LRMDA: variants seen among roughly 807,000 people sequenced by gnomAD.
LRMDA encodes leucine-rich melanocyte differentiation-associated protein.
In LRMDA, 18 loss-of-function variants were observed where a neutral mutation model predicts 29.8. The ratio of observed to expected loss-of-function variants is 0.60; its 90% CI spans 0.42 to 0.90. The LOEUF is 0.90. Ranked by LOEUF, LRMDA falls within the 40% of genes least tolerant of loss-of-function variation. LRMDA has a pLI of 0.00. For synonymous variants in LRMDA, 125 were observed against 109.4 expected, an observed-to-expected ratio of 1.14 and a Z score of -0.89; for missense variants, 273 against 273.9, an observed-to-expected ratio of 1.00 and a Z score of 0.02.
At chr10:76,545,832 G>A (rs1165843584) in intron 6 of LRMDA, among the ~76,000 whole-genome samples, 1 of 151,896 alleles carries the variant, frequency 6.6e-6, no homozygotes, top group Non-Finnish European at 1.5e-5. Context: ...GCAATGTCAC[G>A]AGTTTTACTT....
chr10:75,492,307 C>T (rs1267074924), intron 2 of LRMDA, among the ~76,000 whole-genome samples: 2 of 152,244 alleles, frequency 1.3e-5, no homozygotes, highest in Non-Finnish European at 1.5e-5. Context: ...AAGAATCTTA[C>T]ATCTTGCGGT....
intron 6 of LRMDA, among the ~76,000 whole-genome samples, chr10:76,535,272 A>T (rs571500595): frequency 6.6e-6 from 1 of 152,298 alleles, no homozygotes; most frequent in South Asian, 2.1e-4. Context: ...TAAAAGAAGG[A>T]TGCATTATAT....
intron 2 of LRMDA, among the ~76,000 whole-genome samples, chr10:75,728,452 G>GTA (rs1842656535): frequency 6.6e-6 from 1 of 151,592 alleles, no homozygotes; most frequent in Admixed American, 6.6e-5. Context: ...GTGTGTGTGT[G>GTA]TGTGTGTGTG....
At chr10:75,610,729 C>G (rs1841019237) in intron 2 of LRMDA, among the ~76,000 whole-genome samples, 1 of 152,156 alleles carries the variant, frequency 6.6e-6, no homozygotes, top group Non-Finnish European at 1.5e-5. Flanking sequence ...ATAGGCAATA[C>G]ATGTTCCCTA....
At chr10:75,618,974 T>C (rs1245434058) in intron 2 of LRMDA, among the ~76,000 whole-genome samples, 2 of 152,056 alleles carry the variant, frequency 1.3e-5, no homozygotes, top group Non-Finnish European at 2.9e-5. Context: ...TTTTTTTGTA[T>C]TTTTAGTAGA....
chr10:76,319,278 C>T (rs1236045285), intron 5 of LRMDA: 1 of 152,160 alleles, frequency 6.6e-6, no homozygotes, highest in African/African-American at 2.4e-5. Flanking sequence ...TGACTTCTTC[C>T]TGTATTTTTT....
At chr10:75,806,817 A>G (rs1843861853) in intron 2 of LRMDA, among the ~76,000 whole-genome samples, 1 of 125,040 alleles carries the variant, frequency 8.0e-6, no homozygotes, top group East Asian at 2.2e-4. Flanking sequence ...TGCAAAAAAA[A>G]AAAAAAAAAA....
chr10:76,228,210 C>T (rs150850859), intron 5 of LRMDA, among the ~76,000 whole-genome samples: 1,555 of 151,988 alleles, frequency 0.01, 26 homozygotes, highest in African/African-American at 0.031. Flanking sequence ...TTAGTAGAGA[C>T]GGGGTTTCAC....
chr10:76,399,023 T>C (rs1174259611), intron 6 of LRMDA, among the ~76,000 whole-genome samples: 1 of 152,190 alleles, frequency 6.6e-6, no homozygotes, highest in Non-Finnish European at 1.5e-5. Flanking sequence ...TAGATTCAGA[T>C]TCCAGGTCTA....
chr10:75,559,559 G>A (rs951487941), intron 2 of LRMDA, among the ~76,000 whole-genome samples: 1 of 148,522 alleles, frequency 6.7e-6, no homozygotes, highest in African/African-American at 2.5e-5. Flanking sequence ...AGTCAATTTT[G>A]GCTTTTGTTG....
intron 6 of LRMDA, among the ~76,000 whole-genome samples, chr10:76,478,184 T>C (rs565720450): frequency 8.6e-5 from 13 of 151,918 alleles, no homozygotes; most frequent in African/African-American, 3.1e-4. Flanking sequence ...GAATCTACAA[T>C]GAACTCCAAC....
At chr10:75,771,755 G>T (rs1843244168) in intron 2 of LRMDA, among the ~76,000 whole-genome samples, 1 of 152,088 alleles carries the variant, frequency 6.6e-6, no homozygotes, top group South Asian at 2.1e-4. Context: ...ATCAGGTGTG[G>T]CAGTCAGACA....
At chr10:75,903,683 TC>T in intron 2 of LRMDA, among the ~76,000 whole-genome samples, 1 of 152,098 alleles carries the variant, frequency 6.6e-6, no homozygotes, top group South Asian at 2.1e-4. Context: ...TCACTAGGAG[TC>T]CCTTTATCTG....
intron 2 of LRMDA, among the ~76,000 whole-genome samples, chr10:75,986,229 G>A (rs1030524059): frequency 3.3e-5 from 5 of 152,160 alleles, no homozygotes; most frequent in Admixed American, 2.0e-4. Context: ...GCCTTCTGGC[G>A]GAGGTATGGG....
At chr10:75,655,419 G>C (rs1430341) in intron 2 of LRMDA, among the ~76,000 whole-genome samples, 1 of 152,218 alleles carries the variant, frequency 6.6e-6, no homozygotes. Flanking sequence ...AGTTCCCTTG[G>C]CAGGTGCCTT....
intron 5 of LRMDA, among the ~76,000 whole-genome samples, chr10:76,084,364 A>ATTTTTTT (rs71024586): frequency 6.2e-4 from 44 of 70,932 alleles, no homozygotes; most frequent in Non-Finnish European, 7.2e-4. Context: ...CGCCCAGCTA[A>ATTTTTTT]TTTTTTTTTT....
At chr10:75,914,172 C>G (rs1845892229) in intron 2 of LRMDA, among the ~76,000 whole-genome samples, 1 of 152,162 alleles carries the variant, frequency 6.6e-6, no homozygotes, top group Non-Finnish European at 1.5e-5. Flanking sequence ...ATAGTCAAAA[C>G]ACATGCAACG....
chr10:75,745,710 C>T (rs982872478), intron 2 of LRMDA, among the ~76,000 whole-genome samples: 1 of 152,158 alleles, frequency 6.6e-6, no homozygotes, highest in African/African-American at 2.4e-5. Flanking sequence ...TTTTCCATTT[C>T]TGTCCTTTTT....
At chr10:75,923,779 A>G (rs776260424) in intron 2 of LRMDA, among the ~76,000 whole-genome samples, 7 of 152,178 alleles carry the variant, frequency 4.6e-5, no homozygotes, top group Non-Finnish European at 8.8e-5. Flanking sequence ...GACACCCTTC[A>G]GAGGAATGAC....
Sources: gnomAD v4.1 joint callset for allele counts (sites outside exome capture counted in the v4.1 genomes callset) on GRCh38, gnomAD v4.1.1 for gene constraint, MANE v1.5 for transcripts, NCBI Gene and HGNC (gene_info 2026-07-23, HGNC 2026-07-21) for gene names.